Variants in MAPK8 observed in about 807,000 individuals in gnomAD.
MAPK8 encodes the protein mitogen-activated protein kinase 8.
Under a neutral mutation model 52.9 loss-of-function variants are expected in MAPK8, and 13 were observed. That is an observed-to-expected ratio of 0.25 (90% CI 0.16 to 0.39). The LOEUF is 0.39. Among genes scored for constraint, MAPK8 ranks in the 10% least tolerant of loss-of-function variants. MAPK8 has a pLI of 1.00. For missense variants in MAPK8, 300 were observed against 519.2 expected (o/e 0.58, Z 4.10); for synonymous variants, 191 against 169.8 (o/e 1.12, Z -0.97).
chr10:48,365,427 A>G (rs1228439902), intron 1 of MAPK8, among the ~76,000 whole-genome samples: 7 of 152,170 alleles, frequency 4.6e-5, no homozygotes, highest in African/African-American at 1.7e-4. Flanking sequence ...ATATCCTCCC[A>G]TGACTGTAAA....
At chr10:48,405,945 A>G (rs943594380) in intron 3 of MAPK8, among the ~76,000 whole-genome samples, 1 of 152,198 alleles carries the variant, frequency 6.6e-6, no homozygotes, top group African/African-American at 2.4e-5. Context: ...GGAGCTTACA[A>G]TGGTGTTTTG....
intron 6 of MAPK8, among the ~76,000 whole-genome samples, chr10:48,422,650 A>AT (rs948521077): frequency 5.3e-5 from 8 of 152,130 alleles, no homozygotes; most frequent in African/African-American, 1.7e-4. Context: ...ATTCTAATAG[A>AT]TTTTTGTCAA....
At chr10:48,422,459 G>C (rs1589259355) in intron 6 of MAPK8, among the ~76,000 whole-genome samples, 1 of 152,314 alleles carries the variant, frequency 6.6e-6, no homozygotes, top group East Asian at 1.9e-4. Context: ...TTTACAGCTA[G>C]AGTTGTGCAT....
Position 48,409,875 on chromosome 10 carries a change from A to T in MAPK8, c.253-4A>T. The stretch of plus-strand genomic sequence containing the variant: ...ATTTTTCTGTCTCTCGACTTTTATT[A>T]TAGATAATTGGCCTTTTGAATGTTT... On this transcript the variant is annotated splice_region_variant and splice_polypyrimidine_tract_variant and intron_variant, in intron 3 of 11. Transcript: ENST00000374189. 1 of 1,596,884 alleles carries T rather than the reference A, an allele frequency of 6.3e-7. No individual in the cohort carries two copies. Among genetic ancestry groups the T allele is most frequent in the Admixed American group, 1.7e-5 (1 of 59,578 alleles).
chr10:48,316,709 G>A (rs1261031332), intron 1 of MAPK8, among the ~76,000 whole-genome samples: 1 of 152,158 alleles, frequency 6.6e-6, no homozygotes, highest in African/African-American at 2.4e-5. Flanking sequence ...GGGGCAGGTT[G>A]CTCATCCTTA....
rs540577248 is a variant in MAPK8 at position 48,428,704 on chromosome 10, A to G, written c.1060+1561A>G. Among the ~76,000 whole-genome samples, 11 of 152,352 alleles carry G rather than the reference A, an allele frequency of 7.2e-5. No individual in the cohort carries two copies. In the South Asian group the frequency reaches 2.3e-3, roughly 32 times the overall value. On this transcript the variant is annotated intron_variant, in intron 10 of 11. Coordinates refer to ENST00000374189, the MANE Select transcript of MAPK8 (RefSeq NM_001323329.2). Reference sequence around the variant, plus strand: ...AATGTGCATTTGAATATGTATAAAGATATAGCTCTGTACTGAGTATGTATG... The same window carrying G: ...AATGTGCATTTGAATATGTATAAAGGTATAGCTCTGTACTGAGTATGTATG...
At chr10:48,412,002 G>T (rs963965201) in intron 5 of MAPK8, among the ~76,000 whole-genome samples, 1 of 151,836 alleles carries the variant, frequency 6.6e-6, no homozygotes, top group African/African-American at 2.4e-5. Context: ...CTGCCCCCAC[G>T]CCTGGTTAAT....
chr10:48,401,665 G>A lies in MAPK8; in HGVS notation c.5G>A (p.Ser2Asn), dbSNP rs770396528. The part of the protein sequence containing the change: M[S>N]RSKRDNNFYS... ...TTAAATTAATTGCTTGCCATCATGA[G>A]CAGAAGCAAGCGTGACAACAATTTT... is the stretch of plus-strand genomic sequence containing the variant. The change falls in exon 2 of 12, where the codon AGC becomes AAC. Residue 2 changes from serine to asparagine, a missense_variant. Around this residue, in one of 3 missense-constraint regions of MAPK8, gnomAD observed 34 missense variants for 36.7 expected, o/e 0.93. Transcript: ENST00000374189. The A allele has an allele frequency of 1.9e-6, 3 of 1,610,416 alleles. No homozygotes were observed. Among genetic ancestry groups the A allele is most frequent in the Non-Finnish European group, 1.7e-6 (2 of 1,178,566 alleles).
intron 1 of MAPK8, among the ~76,000 whole-genome samples, chr10:48,348,190 C>A (rs1268103026): frequency 1.3e-5 from 2 of 152,164 alleles, no homozygotes; most frequent in African/African-American, 4.8e-5. Flanking sequence ...TAAATGTCTT[C>A]TTTTGAGAAG....
intron 1 of MAPK8, among the ~76,000 whole-genome samples, chr10:48,325,067 C>T (rs985198418): frequency 6.6e-6 from 1 of 152,188 alleles, no homozygotes. Flanking sequence ...CCTCCACCTC[C>T]TGGGTTCAAG....
chr10:48,395,088 A>T (rs1344451460), intron 1 of MAPK8, among the ~76,000 whole-genome samples: 2 of 151,894 alleles, frequency 1.3e-5, no homozygotes, highest in African/African-American at 4.8e-5. Flanking sequence ...TTTCTCCCCA[A>T]ATTGATGTAT....
rs2042657753 is a variant in MAPK8, at chr10:48,409,863, T to C, written c.253-16T>C. ...AAGTAATTTCTAATTTTTCTGTCTCTCGACTTTTATTATAGATAATTGGCC... is the reference window on the plus strand; with the variant it reads ...AAGTAATTTCTAATTTTTCTGTCTCCCGACTTTTATTATAGATAATTGGCC... On this transcript the variant is annotated splice_polypyrimidine_tract_variant and intron_variant, in intron 3 of 11. Transcript: ENST00000374189. 5.1e-6 allele frequency: 8 copies of C among 1,578,574 alleles called. No individual in the cohort carries two copies. Among genetic ancestry groups the C allele is most frequent in the Non-Finnish European group, 6.9e-6 (8 of 1,154,198 alleles).
intron 1 of MAPK8, among the ~76,000 whole-genome samples, chr10:48,335,038 G>A (rs1179610762): frequency 1.3e-5 from 2 of 152,014 alleles, no homozygotes; most frequent in African/African-American, 4.8e-5. Context: ...CCTTTCATGG[G>A]CTGACCCCTC....
chr10:48,323,883 A>G (rs985915313), intron 1 of MAPK8, among the ~76,000 whole-genome samples: 1 of 152,200 alleles, frequency 6.6e-6, no homozygotes, highest in African/African-American at 2.4e-5. Context: ...TATATGTGTC[A>G]TAGGAACCTG....
At chr10:48,324,797 A>C (rs1193631851) in intron 1 of MAPK8, among the ~76,000 whole-genome samples, 1 of 152,148 alleles carries the variant, frequency 6.6e-6, no homozygotes, top group Non-Finnish European at 1.5e-5. Flanking sequence ...CACCAGATCT[A>C]TCCATTATAA....
intron 5 of MAPK8, among the ~76,000 whole-genome samples, chr10:48,419,157 T>C (rs1288199612): frequency 6.6e-6 from 1 of 152,186 alleles, no homozygotes; most frequent in African/African-American, 2.4e-5. Flanking sequence ...TGATTGCCTG[T>C]CGAAATATGT....
At position 48,435,956 on chromosome 10, in the gene MAPK8, TCTTTCC is replaced by T. The variant is rs986295014; in HGVS notation, c.*934_*939del. 6 of 152,256 alleles carry T rather than the reference TCTTTCC, an allele frequency of 3.9e-5. No individual in the cohort carries two copies. Among genetic ancestry groups the T allele is most frequent in the African/African-American group, 1.4e-4 (6 of 41,456 alleles). 9.4% of individuals were successfully genotyped at this position (152,256 alleles called of 1,614,324 possible). A position where few individuals can be genotyped will look rare whatever the true frequency, so the allele number is the denominator to read the frequency against. ...GTCCCAGCAATGTTCTAGAGTCTGG[TCTTTCC>T]CTTTCCTGCAGCTTCGGGTCCTTGG... is the stretch of plus-strand genomic sequence containing the variant. On this transcript the variant is annotated 3_prime_UTR_variant, in exon 12 of 12. Coordinates refer to ENST00000374189, the MANE Select transcript of MAPK8 (RefSeq NM_001323329.2).
At chr10:48,348,966 C>A (rs1224379107) in intron 1 of MAPK8, among the ~76,000 whole-genome samples, 3 of 143,818 alleles carry the variant, frequency 2.1e-5, no homozygotes, top group African/African-American at 5.1e-5. Context: ...AAAAAAAAAG[C>A]AGGGGTTGCG....
intron 1 of MAPK8, among the ~76,000 whole-genome samples, chr10:48,359,659 A>G (rs1401882145): frequency 6.6e-6 from 1 of 152,250 alleles, no homozygotes; most frequent in Non-Finnish European, 1.5e-5. Flanking sequence ...ACCATTGCAG[A>G]TCACTAAGGA....
Sources: allele counts gnomAD v4.1 joint callset (sites outside exome capture counted in the v4.1 genomes callset), GRCh38; gene constraint gnomAD v4.1.1; regional missense constraint gnomAD v4.1.1; transcripts MANE v1.5; gene names NCBI Gene and HGNC (gene_info 2026-07-23, HGNC 2026-07-21).